The following RAB11FIP3 variants were observed in gnomAD, a reference collection of about 807,000 sequenced individuals.
RAB11FIP3 encodes the protein rab11 family-interacting protein 3.
Under a neutral mutation model 77.8 loss-of-function variants are expected in RAB11FIP3, and 17 were observed. That is an observed-to-expected ratio of 0.22 (90% CI 0.15 to 0.33). The LOEUF (loss-of-function observed/expected upper bound fraction) is 0.33. RAB11FIP3 is among the 10% of genes least tolerant of loss of function. The pLI, the probability that RAB11FIP3 is intolerant of heterozygous loss-of-function variation, is 1.00. For missense variants in RAB11FIP3, 1,005 were observed against 1,011.2 expected, an observed-to-expected ratio of 0.99 and a Z score of 0.08; for synonymous variants, 437 against 448.2, an observed-to-expected ratio of 0.98 and a Z score of 0.31.
At chr16:492,372 ACCCGAGGCCGCCCAGAGCCCT>A (rs2030414913) in intron 5 of RAB11FIP3, among the ~76,000 whole-genome samples, 1 of 144,436 alleles carries the variant, frequency 6.9e-6, no homozygotes, top group South Asian at 2.2e-4. Context: ...TTCCCGGGAG[ACCCGAGGCCGCCCAGAGCCCT>A]CCCCGGGAGA....
rs530378655 is a variant in RAB11FIP3, at chr16:494,005, T to G, written c.1266-2819T>G. ...TGCAACCTCTGCCTCCCGGGTTCAC[T>G]CCATTCTCCTGCCTCAGCCTCCCGA... On this transcript the variant is annotated intron_variant, in intron 5 of 13. Transcript: ENST00000262305. Among the ~76,000 whole-genome samples, 86 of 133,154 alleles carry G rather than the reference T, an allele frequency of 6.5e-4. No homozygotes were observed. In the Middle Eastern group the frequency reaches 0.011, roughly 18 times the overall value. 87.4% of individuals were successfully genotyped at this position (133,154 alleles called of 152,430 possible).
At chr16:484,858 G>A (rs59465232) in intron 4 of RAB11FIP3, among the ~76,000 whole-genome samples, 2,739 of 152,184 alleles carry the variant, frequency 0.018, 95 homozygotes, top group African/African-American at 0.061. Flanking sequence ...TCGGGAGCAC[G>A]TCCCTTCAGC....
rs762098954 is a variant in RAB11FIP3 at position 503,113 on chromosome 16, C to T, written c.1395+16C>T. On this transcript the variant is annotated intron_variant, in intron 7 of 13. Coordinates refer to ENST00000262305, the MANE Select transcript of RAB11FIP3 (RefSeq NM_014700.4). ...TGCTGACAAGGTAGGCCCTGGAGGG[C>T]TGGGTAGGTGGCAAGTAGGGGATTT... 82 of 1,590,260 alleles carry T rather than the reference C, an allele frequency of 5.2e-5. No homozygotes were observed. Among genetic ancestry groups the T allele is most frequent in the Non-Finnish European group, 6.8e-5 (79 of 1,162,148 alleles).
At chr16:516,215 T>G (rs1037550909) in intron 9 of RAB11FIP3, among the ~76,000 whole-genome samples, 1 of 152,212 alleles carries the variant, frequency 6.6e-6, no homozygotes, top group Non-Finnish European at 1.5e-5. Context: ...GCCCCTGGGT[T>G]TCCACTTACA....
rs1020985707 is a variant in RAB11FIP3 at position 461,191 on chromosome 16, A to G, written c.715-213A>G. On this transcript the variant is annotated intron_variant, in intron 1 of 13. Transcript: ENST00000262305. This position sits in a 1 kb window ranked among gnomAD's most constrained non-coding sequence, Gnocchi z 4.5. ...CGCAACCTGGACCCCTCGCATGCGG[A>G]GCACACAGTAGGCTTTGCGCTCCTG... is the stretch of plus-strand genomic sequence containing the variant. Among the ~76,000 whole-genome samples the G allele has an allele frequency of 2.6e-5, 4 of 152,150 alleles. No individual in the cohort carries two copies. The highest frequency in any genetic ancestry group is 7.2e-5 in the African/African-American group (3 of 41,428).
At chr16:478,785 G>C (rs754679448) in intron 3 of RAB11FIP3, among the ~76,000 whole-genome samples, 1 of 151,982 alleles carries the variant, frequency 6.6e-6, no homozygotes, top group Admixed American at 6.6e-5. Context: ...GGGCAACATA[G>C]CAAAACCTCG....
At position 482,729 on chromosome 16, in the gene RAB11FIP3, C is replaced by T. The variant is rs778776563; in HGVS notation, c.1108C>T (p.Pro370Ser). ...EPDHGALLLL[P>S]GRPHPHGQSV... ...CGACCATGGTGCCCTGCTGCTGCTC[C>T]CAGGCAGGTCTGTACCCCGCCACGG... The change falls in exon 4 of 14, where the codon CCA (proline) becomes TCA (serine). Residue 370 changes from proline to serine, a missense_variant. Around this residue, in one of 4 missense-constraint regions of RAB11FIP3, gnomAD observed 433 missense variants for 436.1 expected, o/e 0.99. Transcript: ENST00000262305. 38 of 1,601,718 alleles carry T rather than the reference C, an allele frequency of 2.4e-5. No individual in the cohort carries two copies. Among genetic ancestry groups the T allele is most frequent in the Admixed American group, 5.1e-5 (3 of 58,592 alleles).
intron 2 of RAB11FIP3, among the ~76,000 whole-genome samples, chr16:469,571 G>T (rs1393841814): frequency 6.6e-6 from 1 of 151,200 alleles, no homozygotes; most frequent in Non-Finnish European, 1.5e-5. Context: ...AATTGTTTTT[G>T]TGGAGATGGG....
At chr16:463,459 A>T (rs2055651565) in intron 2 of RAB11FIP3, among the ~76,000 whole-genome samples, 2 of 115,042 alleles carry the variant, frequency 1.7e-5, no homozygotes, top group Admixed American at 1.1e-4. Context: ...TTTTTTTGAG[A>T]CAGAGTTTTG....
chr16:455,265 A>G (rs2055483031), intron 1 of RAB11FIP3, among the ~76,000 whole-genome samples: 1 of 151,766 alleles, frequency 6.6e-6, no homozygotes, highest in Admixed American at 6.6e-5. Context: ...GGATCACCTG[A>G]GGTCAGGAGT....
rs980292336 is a variant in RAB11FIP3, at chr16:425,783, C to T, written c.-224C>T. ...TCCTCGCCGCCCTCCCTAGGCCGCC[C>T]CGCCGCCATGGGCCTGCGCCCGCCG... On this transcript the variant is annotated 5_prime_UTR_variant, in exon 1 of 14. Transcript: ENST00000262305. The T allele has an allele frequency of 7.2e-4, 243 of 336,456 alleles. No homozygotes were observed. The highest frequency in any genetic ancestry group is 1.6e-3 in the Admixed American group (33 of 20,456). The allele number at this position is 336,456 out of a possible 1,614,324, so 20.8% of individuals were successfully genotyped here. A position where few individuals can be genotyped will look rare whatever the true frequency, so the allele number is the denominator to read the frequency against.
chr16:464,101 C>T (rs780721549), intron 2 of RAB11FIP3, among the ~76,000 whole-genome samples: 19 of 152,190 alleles, frequency 1.2e-4, no homozygotes, highest in Non-Finnish European at 2.1e-4. Context: ...CTGAGAGGAG[C>T]GTGCAGGCAA....
chr16:458,768 T>C (rs1031788988), intron 1 of RAB11FIP3, among the ~76,000 whole-genome samples: 4 of 152,262 alleles, frequency 2.6e-5, no homozygotes, highest in Non-Finnish European at 5.9e-5. Context: ...TTCAGGAGTC[T>C]GCCCCCTCTG....
chr16:474,315 G>A (rs539633919), intron 3 of RAB11FIP3, among the ~76,000 whole-genome samples: 1 of 152,294 alleles, frequency 6.6e-6, no homozygotes, highest in Non-Finnish European at 1.5e-5. Context: ...TGCTCACACC[G>A]GGGTGGTCGG....
chr16:516,293 G>A (rs182076734), intron 9 of RAB11FIP3, among the ~76,000 whole-genome samples: 619 of 152,328 alleles, frequency 4.1e-3, no homozygotes, highest in Non-Finnish European at 6.9e-3. Flanking sequence ...GGATGGTGAG[G>A]ACAACTGGAT....
rs1315296911 is a variant in RAB11FIP3, at chr16:498,842, A to AGGGGCTC, written c.1301+1989_1301+1990insCGGGGCT. On this transcript the variant is annotated intron_variant, in intron 6 of 13. Transcript: ENST00000262305. ...TCTGTCATTTTAGGGGCTAGGGGCT[A>AGGGGCTC]GGGGCTAGAGGAAGCAGAGGTGAAC... is the stretch of plus-strand genomic sequence containing the variant. Among the ~76,000 whole-genome samples the AGGGGCTC allele has an allele frequency of 2.0e-5, 3 of 152,118 alleles. No homozygotes were observed. The East Asian group carries it at 5.8e-4, about 29-fold the overall frequency.
chr16:444,805 C>A (rs1038939719), intron 1 of RAB11FIP3, among the ~76,000 whole-genome samples: 3 of 148,654 alleles, frequency 2.0e-5, no homozygotes. Context: ...GCCAACATAG[C>A]GAGACTATCT....
intron 1 of RAB11FIP3, among the ~76,000 whole-genome samples, chr16:434,365 C>T (rs1162468733): frequency 6.6e-6 from 1 of 152,196 alleles, no homozygotes; most frequent in East Asian, 1.9e-4. Flanking sequence ...CTCAAGTGAT[C>T]TGCGTGCCGC....
intron 4 of RAB11FIP3, 53 bp from the exon 5 acceptor site, chr16:488,798 C>T (rs897766615): frequency 1.9e-5 from 30 of 1,581,810 alleles, no homozygotes; most frequent in Middle Eastern, 3.4e-4. Flanking sequence ...ACCCTCAGCT[C>T]GGGGGTGCCC....
Sources: gnomAD v4.1 joint callset for allele counts (sites outside exome capture counted in the v4.1 genomes callset) on GRCh38, gnomAD v4.1.1 for gene constraint, gnomAD v4.1.1 regional missense constraint, Gnocchi (gnomAD v3.1) non-coding constraint, MANE v1.5 for transcripts, NCBI Gene and HGNC (gene_info 2026-07-23, HGNC 2026-07-21) for gene names.